Variants in EFCAB6 observed in about 807,000 individuals in gnomAD.
The protein encoded by EFCAB6 is EF-hand calcium-binding domain-containing protein 6.
In EFCAB6, 156 loss-of-function variants were observed where a neutral mutation model predicts 169.8. The ratio of observed to expected loss-of-function variants is 0.92; its 90% CI spans 0.81 to 1.05. The LOEUF (loss-of-function observed/expected upper bound fraction) is 1.05. Ranked by LOEUF, EFCAB6 falls within the 50% of genes least tolerant of loss-of-function variation. The probability of loss-of-function intolerance (pLI) is 0.00; values close to 1 mark genes in which losing one functional copy is unlikely to be tolerated. For synonymous variants in EFCAB6, 698 were observed against 676.4 expected, an observed-to-expected ratio of 1.03 and a Z score of -0.50; for missense variants, 1,800 against 1,829.1, an observed-to-expected ratio of 0.98 and a Z score of 0.29.
At chr22:43,756,421 C>T (rs964255675) in intron 5 of EFCAB6, among the ~76,000 whole-genome samples, 6 of 152,180 alleles carry the variant, frequency 3.9e-5, no homozygotes, top group Non-Finnish European at 8.8e-5. Flanking sequence ...TCTATACCGT[C>T]CCTGGGTTCC....
intron 4 of EFCAB6, among the ~76,000 whole-genome samples, chr22:43,767,038 T>A (rs1309419212): frequency 6.6e-6 from 1 of 152,160 alleles, no homozygotes; most frequent in Non-Finnish European, 1.5e-5. Context: ...GCATTATGAA[T>A]CTAAAATTTA....
chr22:43,565,036 C>G (rs1014275637), intron 26 of EFCAB6, among the ~76,000 whole-genome samples: 1 of 152,196 alleles, frequency 6.6e-6, no homozygotes, highest in Non-Finnish European at 1.5e-5. Context: ...GTGGCAGCTC[C>G]CACTACAGAA....
At chr22:43,705,437 G>T (rs753672332) in intron 10 of EFCAB6, among the ~76,000 whole-genome samples, 1 of 151,998 alleles carries the variant, frequency 6.6e-6, no homozygotes, top group Non-Finnish European at 1.5e-5. Flanking sequence ...CATCTCAAGC[G>T]CAAATGGAAC....
At chr22:43,666,702 T>G (rs1022929355) in intron 17 of EFCAB6, among the ~76,000 whole-genome samples, 10 of 120,564 alleles carry the variant, frequency 8.3e-5, no homozygotes, top group South Asian at 2.5e-4. Context: ...TTTTTTTTTT[T>G]TTTTTTTTTT....
chr22:43,726,402 A>G (rs1294093972), intron 8 of EFCAB6, among the ~76,000 whole-genome samples: 1 of 152,114 alleles, frequency 6.6e-6, no homozygotes, highest in African/African-American at 2.4e-5. Context: ...AGCAGATAAC[A>G]TTTAAAACTC....
chr22:43,574,177 C>T (rs5764483), intron 26 of EFCAB6, among the ~76,000 whole-genome samples: 10 of 151,670 alleles, frequency 6.6e-5, no homozygotes, highest in Admixed American at 4.6e-4. Context: ...GGAGTGGGTG[C>T]AATGTTATAT....
chr22:43,687,468 T>TTTAA lies in EFCAB6; in HGVS notation c.1142+2_1142+3insTTAA. 9.9e-7 allele frequency: 1 copy of TTTAA among 1,012,736 alleles called. No individual in the cohort carries two copies. Among genetic ancestry groups the TTTAA allele is most frequent in the Non-Finnish European group, 1.4e-6 (1 of 703,426 alleles). 62.7% of individuals were successfully genotyped at this position (1,012,736 alleles called of 1,614,324 possible). On this transcript the variant is annotated splice_region_variant and intron_variant, in intron 11 of 31. Coordinates refer to ENST00000262726, the MANE Select transcript of EFCAB6 (RefSeq NM_022785.4). ...ATTTGTTTTTTTTTTTTTTTTTACA[T>TTTAA]ACCTATTTCTTTTTGTCAGGGGACC...
At chr22:43,637,097 C>T (rs571790802) in intron 17 of EFCAB6, among the ~76,000 whole-genome samples, 7 of 152,266 alleles carry the variant, frequency 4.6e-5, no homozygotes, top group African/African-American at 1.4e-4. Context: ...CCAGTCTGAG[C>T]CTTTGTGGAG....
intron 1 of EFCAB6, among the ~76,000 whole-genome samples, chr22:43,809,753 G>A (rs979357511): frequency 6.6e-6 from 1 of 152,002 alleles, no homozygotes; most frequent in Non-Finnish European, 1.5e-5. Context: ...GATTACAGGT[G>A]CCTGCCACCA....
chr22:43,798,748 A>G (rs1271292429), intron 2 of EFCAB6, among the ~76,000 whole-genome samples: 1 of 152,204 alleles, frequency 6.6e-6, no homozygotes, highest in African/African-American at 2.4e-5. Flanking sequence ...CTGAAGCCTG[A>G]CAACACAAGG....
chr22:43,580,001 G>A (rs998461945), intron 25 of EFCAB6, among the ~76,000 whole-genome samples: 5 of 152,072 alleles, frequency 3.3e-5, no homozygotes, highest in East Asian at 1.9e-4. Context: ...AAAGCACCAC[G>A]CAGATGGAAG....
chr22:43,679,358 AC>A (rs1203425319), intron 12 of EFCAB6, among the ~76,000 whole-genome samples: 1 of 152,208 alleles, frequency 6.6e-6, no homozygotes, highest in African/African-American at 2.4e-5. Context: ...ATCGGGCATT[AC>A]ATTGCCAGAT....
In EFCAB6 at chr22:43,757,580, A is replaced by C. The variant is rs184567201; in HGVS notation, c.441-1748T>G. On this transcript the variant is annotated intron_variant, in intron 5 of 31. Coordinates refer to ENST00000262726, the MANE Select transcript of EFCAB6 (RefSeq NM_022785.4). ...AAAAGGAATTAAATAATAAAAATTA[A>C]ACAAATGCTTGTTACTTAACCCCCG... Among the ~76,000 whole-genome samples the C allele has an allele frequency of 2.4e-3, 371 of 152,296 alleles. 1 individual carries two copies. Among genetic ancestry groups the C allele is most frequent in the South Asian group, 0.012 (58 of 4,812 alleles).
At chr22:43,784,247 A>C (rs1380543702) in intron 2 of EFCAB6, among the ~76,000 whole-genome samples, 1 of 152,072 alleles carries the variant, frequency 6.6e-6, no homozygotes, top group East Asian at 1.9e-4. Flanking sequence ...AACTCAATGA[A>C]ATTACTCTTC....
chr22:43,735,035 T>A (rs2060081475), intron 7 of EFCAB6, among the ~76,000 whole-genome samples: 2 of 152,052 alleles, frequency 1.3e-5, no homozygotes, highest in Non-Finnish European at 2.9e-5. Flanking sequence ...TAGAAAAGTG[T>A]TTGGGAAAAG....
chr22:43,540,144 A>G lies in EFCAB6; in HGVS notation c.3862T>C (p.Ser1288Pro), dbSNP rs1391387017. Reference sequence around the variant, plus strand: ...GAACTCACACAGGGGTGGCTCTGCGACTTTGACCCTGGTCTCAGCTCCTGA... The same window carrying G: ...GAACTCACACAGGGGTGGCTCTGCGGCTTTGACCCTGGTCTCAGCTCCTGA... ...PTQELRPGSK[S>P]QSHPCTPAST... Residue 1288 changes from serine (S) to proline (P), a missense_variant, in exon 28 of 32, where the codon TCG becomes CCG. Physicochemically the swap from Ser to Pro is moderately conservative, Grantham distance 74. Coordinates refer to ENST00000262726, the MANE Select transcript of EFCAB6 (RefSeq NM_022785.4). 1.2e-6 allele frequency: 2 copies of G among 1,613,968 alleles called. No homozygotes were observed. Among genetic ancestry groups the G allele is most frequent in the Admixed American group, 3.3e-5 (2 of 60,004 alleles).
intron 20 of EFCAB6, among the ~76,000 whole-genome samples, chr22:43,620,295 T>C (rs1242862931): frequency 2.0e-5 from 3 of 149,302 alleles, no homozygotes; most frequent in Admixed American, 1.3e-4. Context: ...GGTGACAGAG[T>C]GAGAGAGCTA....
chr22:43,746,366 C>A (rs1438886755), intron 6 of EFCAB6, among the ~76,000 whole-genome samples: 1 of 152,112 alleles, frequency 6.6e-6, no homozygotes, highest in African/African-American at 2.4e-5. Context: ...GCTAAAGAAA[C>A]CTAAAAGTCA....
intron 25 of EFCAB6, among the ~76,000 whole-genome samples, chr22:43,576,957 C>T (rs922475757): frequency 6.6e-6 from 1 of 152,182 alleles, no homozygotes; most frequent in African/African-American, 2.4e-5. Flanking sequence ...TGTCTCAAGA[C>T]AGGAGTCTGA....
Sources: gnomAD v4.1 joint callset for allele counts (sites outside exome capture counted in the v4.1 genomes callset) on GRCh38, gnomAD v4.1.1 for gene constraint, MANE v1.5 for transcripts, NCBI Gene and HGNC (gene_info 2026-07-23, HGNC 2026-07-21) for gene names.